The following RIMS4 variants were observed in gnomAD, a reference collection of about 807,000 sequenced individuals.
The protein encoded by RIMS4 is regulating synaptic membrane exocytosis protein 4.
In RIMS4, 9 loss-of-function variants were observed where a neutral mutation model predicts 29.0. The observed-to-expected ratio is 0.31, with a 90% CI of 0.19 to 0.54. RIMS4 has a LOEUF of 0.54. Ranked by LOEUF, RIMS4 falls within the 20% of genes least tolerant of loss-of-function variation. The pLI is 0.94. For synonymous variants in RIMS4, 130 were observed against 152.9 expected (o/e 0.85, Z 1.10); for missense variants, 193 against 365.7 (o/e 0.53, Z 3.85).
intron 1 of RIMS4, among the ~76,000 whole-genome samples, chr20:44,799,227 C>T (rs892153746): frequency 6.6e-6 from 1 of 152,080 alleles, no homozygotes; most frequent in Non-Finnish European, 1.5e-5. Context: ...TACATGAACC[C>T]AGGAGGCAGA....
At chr20:44,802,544 G>A (rs867062262) in intron 1 of RIMS4, among the ~76,000 whole-genome samples, 17 of 152,180 alleles carry the variant, frequency 1.1e-4, no homozygotes, top group Admixed American at 3.3e-4. Flanking sequence ...GATTCGAAGA[G>A]GGGTGGAGGC....
intron 2 of RIMS4, among the ~76,000 whole-genome samples, chr20:44,767,479 G>A (rs899246042): frequency 7.2e-5 from 11 of 152,198 alleles, no homozygotes; most frequent in Non-Finnish European, 1.2e-4. Context: ...CCCAGCATGA[G>A]GCCCATGGTG....
intron 1 of RIMS4, among the ~76,000 whole-genome samples, chr20:44,785,122 G>A (rs187571416): frequency 2.0e-5 from 3 of 152,192 alleles, no homozygotes; most frequent in Admixed American, 2.0e-4. Context: ...CCTCTTGGGA[G>A]TGGATAAAAG....
At chr20:44,782,705 G>A (rs959140638) in intron 1 of RIMS4, among the ~76,000 whole-genome samples, 3 of 152,192 alleles carry the variant, frequency 2.0e-5, no homozygotes, top group Non-Finnish European at 2.9e-5. Context: ...AACCATGAGG[G>A]AATTCTTCCA....
chr20:44,755,873 C>G lies in RIMS4; in HGVS notation c.*261G>C. 1 of 467,900 alleles carries G rather than the reference C, an allele frequency of 2.1e-6. No homozygotes were observed. 29.0% of individuals were successfully genotyped at this position (467,900 alleles called of 1,614,324 possible). On this transcript the variant is annotated 3_prime_UTR_variant, in exon 6 of 6. Transcript: ENST00000372851. ...TCTGCCACCTCAATCTTTCCTTTCT[C>G]TGGACTGCAGCCACATCCACCAGGT...
At chr20:44,775,181 G>C (rs2066154558) in intron 1 of RIMS4, among the ~76,000 whole-genome samples, 1 of 152,078 alleles carries the variant, frequency 6.6e-6, no homozygotes, top group South Asian at 2.1e-4. Context: ...CACACTGACG[G>C]GAGCCAGGGA....
At chr20:44,808,428 C>G (rs2066308545) in intron 1 of RIMS4, among the ~76,000 whole-genome samples, 1 of 152,208 alleles carries the variant, frequency 6.6e-6, no homozygotes, top group African/African-American at 2.4e-5. Flanking sequence ...GCCTCTGATG[C>G]TCCTACAAAC....
intron 1 of RIMS4, among the ~76,000 whole-genome samples, chr20:44,808,693 A>T (rs544563555): frequency 1.3e-5 from 2 of 152,330 alleles, no homozygotes; most frequent in East Asian, 3.9e-4. Flanking sequence ...CCAGGTCAAT[A>T]GAAAGACAGG....
In RIMS4 at chr20:44,756,928, A is replaced by G. The variant is rs942919363; in HGVS notation, c.561T>C (p.Phe187=). ...GGACTTTGCCCTGGGGACTCTCAGG[A>G]AACAGCAGCACCTGGTTATACAGTG... The part of the protein sequence containing the change: ...LDPLYNQVLL[F]PESPQGKVLQ... The change falls in exon 5 of 6, where the codon TTT becomes TTC. Residue 187 remains phenylalanine (F), a synonymous_variant. Coordinates refer to ENST00000372851, the MANE Select transcript of RIMS4 (RefSeq NM_182970.4). The surrounding 1 kb of genome is among the most constrained non-coding windows in gnomAD (Gnocchi z 5.9). The G allele has an allele frequency of 5.6e-6, 9 of 1,613,918 alleles. No individual in the cohort carries two copies. In the African/African-American group the frequency reaches 8.0e-5, roughly 14 times the overall value.
At chr20:44,761,604 T>C (rs1395666634) in intron 2 of RIMS4, among the ~76,000 whole-genome samples, 1 of 152,138 alleles carries the variant, frequency 6.6e-6, no homozygotes, top group Non-Finnish European at 1.5e-5. Flanking sequence ...CAGCTGCCCT[T>C]AGTGGTAGCA....
intron 1 of RIMS4, among the ~76,000 whole-genome samples, chr20:44,809,663 A>C (rs2066314496): frequency 6.6e-6 from 1 of 152,130 alleles, no homozygotes; most frequent in Admixed American, 6.5e-5. Flanking sequence ...GAAGGAGAGG[A>C]GAGATAAATG....
At chr20:44,767,615 G>C (rs977188748) in intron 2 of RIMS4, among the ~76,000 whole-genome samples, 1 of 152,142 alleles carries the variant, frequency 6.6e-6, no homozygotes, top group Admixed American at 6.5e-5. Flanking sequence ...TAAACATTAA[G>C]GGCAGATACC....
intron 1 of RIMS4, among the ~76,000 whole-genome samples, chr20:44,798,642 G>A (rs1334008265): frequency 6.6e-6 from 1 of 152,188 alleles, no homozygotes; most frequent in Admixed American, 6.5e-5. Flanking sequence ...TTGGACAACT[G>A]CCCTTAGCTC....
In RIMS4 at chr20:44,782,404, A is replaced by G. The variant is rs1281077750; in HGVS notation, c.98-10991T>C. Among the ~76,000 whole-genome samples, 3 of 151,698 alleles carry G rather than the reference A, an allele frequency of 2.0e-5. No homozygotes were observed. The East Asian group carries it at 5.8e-4, about 29-fold the overall frequency. On this transcript the variant is annotated intron_variant, in intron 1 of 5. Coordinates refer to ENST00000372851, the MANE Select transcript of RIMS4 (RefSeq NM_182970.4). ...CTTAGCCTCCCAAGTAGCTGGGGTT[A>G]CATGCATGCACCACCATGCCTGGCT...
intron 2 of RIMS4, among the ~76,000 whole-genome samples, chr20:44,762,799 T>A (rs1249935528): frequency 6.6e-6 from 1 of 152,186 alleles, no homozygotes; most frequent in Non-Finnish European, 1.5e-5. Context: ...ACTGCGGGTC[T>A]TCCCTGGAGT....
At chr20:44,771,677 T>G (rs774569111) in intron 1 of RIMS4, among the ~76,000 whole-genome samples, 25 of 152,234 alleles carry the variant, frequency 1.6e-4, no homozygotes, top group Non-Finnish European at 3.4e-4. Context: ...CCCTGAAATC[T>G]TCTCCAAATC....
At chr20:44,807,839 T>C (rs2066305663) in intron 1 of RIMS4, among the ~76,000 whole-genome samples, 2 of 152,032 alleles carry the variant, frequency 1.3e-5, no homozygotes, top group South Asian at 4.2e-4. Flanking sequence ...CCTCCCAAAT[T>C]TGAAGCATCC....
intron 1 of RIMS4, among the ~76,000 whole-genome samples, chr20:44,772,991 G>A (rs566254726): frequency 6.6e-6 from 1 of 151,642 alleles, no homozygotes; most frequent in Non-Finnish European, 1.5e-5. Context: ...CAAACACTCT[G>A]TTTCTCAGAA....
intron 2 of RIMS4, among the ~76,000 whole-genome samples, chr20:44,764,238 T>TTATCCATCCATCCATCCATC (rs1555859465): frequency 1.6e-5 from 2 of 127,456 alleles, no homozygotes; most frequent in South Asian, 2.5e-4. Context: ...GTCCATCCAT[T>TTATCCATCCATCCATCCATC]CATCCATCCA....
Sources: gnomAD v4.1 joint callset for allele counts (sites outside exome capture counted in the v4.1 genomes callset) on GRCh38, gnomAD v4.1.1 for gene constraint, Gnocchi (gnomAD v3.1) non-coding constraint, MANE v1.5 for transcripts, NCBI Gene and HGNC (gene_info 2026-07-23, HGNC 2026-07-21) for gene names.